Variants in LHCGR observed in about 807,000 individuals in gnomAD.
LHCGR encodes lutropin-choriogonadotropic hormone receptor.
Under a neutral mutation model 60.7 loss-of-function variants are expected in LHCGR, and 55 were observed. That is an observed-to-expected ratio of 0.91 (90% CI 0.73 to 1.13). The LOEUF is 1.13. Ranked by LOEUF, LHCGR falls within the 50% of genes most tolerant of loss-of-function variation. The pLI is 0.00. For missense variants in LHCGR, 862 were observed against 836.0 expected, an observed-to-expected ratio of 1.03 and a Z score of -0.38; for synonymous variants, 337 against 316.5, an observed-to-expected ratio of 1.06 and a Z score of -0.69.
intron 1 of LHCGR, among the ~76,000 whole-genome samples, chr2:48,753,630 A>T (rs1572902510): frequency 6.6e-6 from 1 of 152,204 alleles, no homozygotes; most frequent in East Asian, 1.9e-4. Flanking sequence ...TTTTTAAAAA[A>T]AATTTACTTC....
chr2:48,735,344 T>C (rs1222206173), intron 1 of LHCGR, among the ~76,000 whole-genome samples: 2 of 152,224 alleles, frequency 1.3e-5, no homozygotes, highest in East Asian at 1.9e-4. Flanking sequence ...ATAATATTAA[T>C]ATTTGGGGGC....
At chr2:48,737,079 C>A (rs1669232186) in intron 1 of LHCGR, among the ~76,000 whole-genome samples, 1 of 152,214 alleles carries the variant, frequency 6.6e-6, no homozygotes, top group Middle Eastern at 3.2e-3. Flanking sequence ...CAGCACCAAT[C>A]TGGAGTCTCC....
In LHCGR at chr2:48,723,828, A is replaced by T. The variant is rs751086786; in HGVS notation, c.384-132T>A. The stretch of plus-strand genomic sequence containing the variant: ...TTTCACATTAAATTTAAAAATATTG[A>T]GTTTGGTGTTATCAGGACTACTTTT... On this transcript the variant is annotated intron_variant, in intron 4 of 10. Coordinates refer to ENST00000294954, the MANE Select transcript of LHCGR (RefSeq NM_000233.4). 63 of 729,176 alleles carry T rather than the reference A, an allele frequency of 8.6e-5. 1 individual carries two copies. In the Middle Eastern group the frequency reaches 1.8e-3, roughly 21 times the overall value. 45.2% of individuals were successfully genotyped at this position (729,176 alleles called of 1,614,324 possible). A position where few individuals can be genotyped will look rare whatever the true frequency, so the allele number is the denominator to read the frequency against.
In LHCGR at chr2:48,708,810, T is replaced by C. The variant is rs1667831914; in HGVS notation, c.680+138A>G. 3.8e-6 allele frequency: 3 copies of C among 779,534 alleles called. No individual in the cohort carries two copies. The East Asian group carries it at 7.3e-5, about 19-fold the overall frequency. The allele number at this position is 779,534 out of a possible 1,614,324, so 48.3% of individuals were successfully genotyped here. A position where few individuals can be genotyped will look rare whatever the true frequency, so the allele number is the denominator to read the frequency against. On this transcript the variant is annotated intron_variant, in intron 8 of 10. Coordinates refer to ENST00000294954, the MANE Select transcript of LHCGR (RefSeq NM_000233.4). The stretch of plus-strand genomic sequence containing the variant: ...TTATTATGGCAGCTGTGATACACTT[T>C]GTCTTTCCAACAGCAGCCTTTTCAG...
At chr2:48,716,427 A>G (rs1370410943) in intron 6 of LHCGR, among the ~76,000 whole-genome samples, 1 of 152,200 alleles carries the variant, frequency 6.6e-6, no homozygotes, top group African/African-American at 2.4e-5. Flanking sequence ...ACAGGAGGAT[A>G]TGTTTCTCTG....
At chr2:48,749,092 A>C (rs1479002464) in intron 1 of LHCGR, among the ~76,000 whole-genome samples, 1 of 152,240 alleles carries the variant, frequency 6.6e-6, no homozygotes, top group Non-Finnish European at 1.5e-5. Context: ...GCAAGGAATT[A>C]AATCTTCATT....
chr2:48,729,954 C>T (rs994361707), intron 2 of LHCGR, among the ~76,000 whole-genome samples: 1 of 152,046 alleles, frequency 6.6e-6, no homozygotes, highest in Non-Finnish European at 1.5e-5. Context: ...TTTTTGAAAA[C>T]AATACAAAAA....
intron 6 of LHCGR, among the ~76,000 whole-genome samples, chr2:48,719,817 G>C (rs1027103617): frequency 6.6e-6 from 1 of 152,140 alleles, no homozygotes; most frequent in Non-Finnish European, 1.5e-5. Flanking sequence ...AAAAGAGAAG[G>C]CTTGCTTTCA....
chr2:48,687,492 A>G lies in LHCGR; in HGVS notation c.*205T>C. The G allele has an allele frequency of 2.0e-6, 1 of 510,478 alleles. No homozygotes were observed. The highest frequency in any genetic ancestry group is 3.5e-6 in the Non-Finnish European group (1 of 289,172). 31.6% of individuals were successfully genotyped at this position (510,478 alleles called of 1,614,324 possible). On this transcript the variant is annotated 3_prime_UTR_variant, in exon 11 of 11. Transcript: ENST00000294954. ...ATTTCTAAACACTCTCAACTTCAGT[A>G]TTTATGCCATGTAACAATGACAAAT...
chr2:48,755,512 G>A lies in LHCGR; in HGVS notation c.160C>T (p.Leu54=), dbSNP rs1670166590. Residue 54 remains leucine (L), a splice_region_variant and synonymous_variant, in exon 1 of 11, where the codon CTA becomes TTA. Transcript: ENST00000294954. ...GCGACGGGAGCGCTGTGTACTCACA[G>A]TCGAGTGAGACCGGCCGTGGGGCCG... The part of the protein sequence containing the change: ...CPGPTAGLTR[L]SLAYLPVKVI... 1 of 1,538,396 alleles carries A rather than the reference G, an allele frequency of 6.5e-7. No individual in the cohort carries two copies. The highest frequency in any genetic ancestry group is 8.8e-7 in the Non-Finnish European group (1 of 1,140,616).
Position 48,715,030 on chromosome 2 carries a change from T to C in LHCGR, c.537-976A>G, listed in dbSNP as rs541842890. On this transcript the variant is annotated intron_variant, in intron 6 of 10. Coordinates refer to ENST00000294954, the MANE Select transcript of LHCGR (RefSeq NM_000233.4). ...TACTTTTCCTCCACTGATATCCTCA[T>C]GGGCTACCCATCCTCTTCCTGCAGG... Among the ~76,000 whole-genome samples the C allele has an allele frequency of 3.9e-5, 6 of 152,292 alleles. No homozygotes were observed. In the South Asian group the frequency reaches 1.2e-3, roughly 32 times the overall value.
At chr2:48,711,563 G>A (rs187154010) in intron 7 of LHCGR, among the ~76,000 whole-genome samples, 3 of 152,066 alleles carry the variant, frequency 2.0e-5, no homozygotes, top group South Asian at 4.2e-4. Flanking sequence ...GTCCATTTTG[G>A]CATCTCTGTA....
chr2:48,743,403 T>C (rs1274650782), intron 1 of LHCGR, among the ~76,000 whole-genome samples: 1 of 152,178 alleles, frequency 6.6e-6, no homozygotes, highest in Non-Finnish European at 1.5e-5. Flanking sequence ...GAGAGAATTT[T>C]AGACCAATAT....
chr2:48,689,022 TAAG>T (rs1052722890), intron 10 of LHCGR, among the ~76,000 whole-genome samples, 173 bp from the exon 11 acceptor site: 3 of 152,066 alleles, frequency 2.0e-5, no homozygotes, highest in Non-Finnish European at 4.4e-5. Flanking sequence ...AGGAGTACCT[TAAG>T]AAGGGAATGA....
intron 8 of LHCGR, among the ~76,000 whole-genome samples, chr2:48,702,762 A>T (rs1162274623): frequency 1.3e-5 from 2 of 152,038 alleles, no homozygotes; most frequent in Non-Finnish European, 2.9e-5. Flanking sequence ...ATCCTTTAAT[A>T]GTACAATCCT....
chr2:48,689,889 C>T (rs1242650457), intron 10 of LHCGR, among the ~76,000 whole-genome samples: 2 of 152,038 alleles, frequency 1.3e-5, no homozygotes, highest in Non-Finnish European at 2.9e-5. Context: ...TAATTTTTTG[C>T]ATTTTTAGTA....
chr2:48,734,246 C>G (rs529043190), intron 1 of LHCGR, among the ~76,000 whole-genome samples: 1 of 152,066 alleles, frequency 6.6e-6, no homozygotes, highest in Non-Finnish European at 1.5e-5. Flanking sequence ...CTGAGAGAAA[C>G]AAGAAATTAC....
intron 1 of LHCGR, among the ~76,000 whole-genome samples, chr2:48,735,384 G>C (rs896731247): frequency 1.3e-5 from 2 of 152,218 alleles, no homozygotes; most frequent in African/African-American, 4.8e-5. Flanking sequence ...CTTCCCACAT[G>C]CTATGCTGGT....
chr2:48,747,644 C>T (rs549461343), intron 1 of LHCGR, among the ~76,000 whole-genome samples: 4 of 152,134 alleles, frequency 2.6e-5, no homozygotes, highest in African/African-American at 9.7e-5. Context: ...AGAGAGGAGT[C>T]GTTTTTGGAA....
Sources: gnomAD v4.1 joint callset for allele counts (sites outside exome capture counted in the v4.1 genomes callset) on GRCh38, gnomAD v4.1.1 for gene constraint, MANE v1.5 for transcripts, NCBI Gene and HGNC (gene_info 2026-07-23, HGNC 2026-07-21) for gene names.